CRADD: variants seen among roughly 807,000 people sequenced by gnomAD.
CRADD encodes the protein CARD and death domain containing adaptor protein, also known as death domain-containing protein CRADD.
Under a neutral mutation model 15.5 loss-of-function variants are expected in CRADD, and 9 were observed. The ratio of observed to expected loss-of-function variants is 0.58; its 90% confidence interval spans 0.35 to 1.01. The LOEUF (loss-of-function observed/expected upper bound fraction) is 1.01. Among genes scored for constraint, CRADD ranks in the 50% least tolerant of loss-of-function variants. CRADD has a pLI of 0.02. For missense variants in CRADD, 227 were observed against 250.3 expected (o/e 0.91, Z 0.63); for synonymous variants, 118 against 107.6 (o/e 1.10, Z -0.60).
At chr12:93,724,019 G>C (rs1247248496) in intron 2 of CRADD, among the ~76,000 whole-genome samples, 1 of 152,090 alleles carries the variant, frequency 6.6e-6, no homozygotes, top group Non-Finnish European at 1.5e-5. Context: ...CCAGTGCTCT[G>C]GCATATTTCA....
At chr12:93,800,565 T>C (rs1957466216) in intron 2 of CRADD, among the ~76,000 whole-genome samples, 1 of 152,160 alleles carries the variant, frequency 6.6e-6, no homozygotes, top group Admixed American at 6.6e-5. Context: ...GGTTTAAAAG[T>C]ATGGCACTTA....
intron 2 of CRADD, among the ~76,000 whole-genome samples, chr12:93,794,054 A>T (rs149421844): frequency 6.6e-6 from 1 of 152,116 alleles, no homozygotes; most frequent in African/African-American, 2.4e-5. Context: ...CTCTTATGTT[A>T]CTTGACTTTC....
chr12:93,773,168 G>A (rs1381419279), intron 2 of CRADD, among the ~76,000 whole-genome samples: 1 of 152,192 alleles, frequency 6.6e-6, no homozygotes, highest in Non-Finnish European at 1.5e-5. Flanking sequence ...TCTTACGTAA[G>A]TCAGAGTAGG....
chr12:93,887,936 G>A (rs1958549061), intron 2 of CRADD, among the ~76,000 whole-genome samples: 1 of 152,168 alleles, frequency 6.6e-6, no homozygotes, highest in South Asian at 2.1e-4. Context: ...GCAGTAGATG[G>A]GTACCTAACT....
chr12:93,717,473 A>G (rs1055268334), intron 2 of CRADD, among the ~76,000 whole-genome samples: 5 of 152,086 alleles, frequency 3.3e-5, no homozygotes, highest in African/African-American at 7.2e-5. Context: ...ATTTTCTCCT[A>G]TGTTATCTTC....
At chr12:93,839,137 C>T (rs181569161) in intron 2 of CRADD, among the ~76,000 whole-genome samples, 80 of 152,220 alleles carry the variant, frequency 5.3e-4, no homozygotes, top group Non-Finnish European at 2.9e-5. Context: ...TTTTTGCTCT[C>T]CACTGCATTT....
chr12:93,800,620 G>T (rs1385720606), intron 2 of CRADD, among the ~76,000 whole-genome samples: 1 of 151,984 alleles, frequency 6.6e-6, no homozygotes, highest in Non-Finnish European at 1.5e-5. Flanking sequence ...TGGAAGATCT[G>T]CCCCTTGCTT....
At chr12:93,802,881 T>C (rs1050137933) in intron 2 of CRADD, among the ~76,000 whole-genome samples, 60 of 152,296 alleles carry the variant, frequency 3.9e-4, no homozygotes, top group Admixed American at 1.3e-3. Flanking sequence ...GGAGATAGCA[T>C]GTGTGCAAGT....
intron 2 of CRADD, among the ~76,000 whole-genome samples, chr12:93,882,456 A>T (rs1958509525): frequency 6.6e-6 from 1 of 151,142 alleles, no homozygotes; most frequent in Admixed American, 6.6e-5. Flanking sequence ...AGAAAAATAT[A>T]TACATATTAT....
chr12:93,882,624 T>A (rs1254579212), intron 2 of CRADD, among the ~76,000 whole-genome samples: 1 of 152,168 alleles, frequency 6.6e-6, no homozygotes, highest in Non-Finnish European at 1.5e-5. Flanking sequence ...CTTGGCTGGG[T>A]AACTCTCACT....
intron 2 of CRADD, chr12:93,708,695 G>A (rs1039751613): frequency 3.3e-5 from 5 of 152,184 alleles, no homozygotes; most frequent in African/African-American, 1.2e-4. Context: ...ATTGTATCCT[G>A]AGCACCTAGA....
At chr12:93,737,531 C>T (rs539059506) in intron 2 of CRADD, among the ~76,000 whole-genome samples, 1 of 152,324 alleles carries the variant, frequency 6.6e-6, no homozygotes, top group African/African-American at 2.4e-5. Flanking sequence ...CTAAAGCAGT[C>T]TGTTGTATGG....
intron 2 of CRADD, among the ~76,000 whole-genome samples, chr12:93,884,713 A>G (rs2137075334): frequency 6.6e-6 from 1 of 152,132 alleles, no homozygotes; most frequent in Middle Eastern, 3.4e-3. Flanking sequence ...TCACCCTTCT[A>G]TGTGCCCGTG....
At chr12:93,839,102 A>G (rs1372733717) in intron 2 of CRADD, among the ~76,000 whole-genome samples, 1 of 152,110 alleles carries the variant, frequency 6.6e-6, no homozygotes, top group African/African-American at 2.4e-5. Context: ...TTGCATTTGT[A>G]TAGACCTGAT....
At chr12:93,887,439 G>A (rs1031490404) in intron 2 of CRADD, among the ~76,000 whole-genome samples, 4 of 152,210 alleles carry the variant, frequency 2.6e-5, no homozygotes, top group South Asian at 2.1e-4. Context: ...AGCCATGTCC[G>A]TCTGGCAAGA....
chr12:93,788,408 C>T (rs142732235), intron 2 of CRADD, among the ~76,000 whole-genome samples: 1 of 152,256 alleles, frequency 6.6e-6, no homozygotes, highest in African/African-American at 2.4e-5. Flanking sequence ...ATGGGAGCTA[C>T]AATTCAAGAT....
At chr12:93,811,809 C>T (rs1957629407) in intron 2 of CRADD, among the ~76,000 whole-genome samples, 1 of 152,204 alleles carries the variant, frequency 6.6e-6, no homozygotes, top group African/African-American at 2.4e-5. Context: ...GAATTGAAAA[C>T]TTATGTCCAC....
intron 2 of CRADD, among the ~76,000 whole-genome samples, chr12:93,802,235 C>T (rs1220763483): frequency 6.6e-6 from 1 of 152,194 alleles, no homozygotes. Context: ...TTGAATGGTA[C>T]TTCTACTTTT....
At chr12:93,816,118 ATATAT>A (rs1317914756) in intron 2 of CRADD, 2 of 152,248 alleles carry the variant, frequency 1.3e-5, no homozygotes, top group Non-Finnish European at 1.5e-5. Context: ...AATTTGAATG[ATATAT>A]TTTATTTAAC....
Sources: gnomAD v4.1 joint callset for allele counts (sites outside exome capture counted in the v4.1 genomes callset) on GRCh38, gnomAD v4.1.1 for gene constraint, MANE v1.5 for transcripts, NCBI Gene and HGNC (gene_info 2026-07-23, HGNC 2026-07-21) for gene names.